CASK: variants seen among roughly 807,000 people sequenced by gnomAD.
CASK encodes calcium/calmodulin dependent serine protein kinase.
Under a neutral mutation model 82.9 loss-of-function variants are expected in CASK, and 4 were observed. The ratio of observed to expected loss-of-function variants is 0.05; its 90% CI spans 0.02 to 0.11. CASK has a LOEUF of 0.11. CASK is among the 10% of genes least tolerant of loss of function. CASK has a pLI of 1.00. For synonymous variants in CASK, 259 were observed against 253.5 expected, an observed-to-expected ratio of 1.02 and a Z score of -0.20; for missense variants, 358 against 720.9, an observed-to-expected ratio of 0.50 and a Z score of 5.76.
intron 1 of CASK, among the ~76,000 whole-genome samples, chrX:41,892,458 G>A (rs1338352627): frequency 9.1e-6 from 1 of 109,872 alleles, no homozygotes; most frequent in East Asian, 2.9e-4. Flanking sequence ...TCAGCCTCCC[G>A]CATAGCTGGG....
At chrX:41,746,971 C>T (rs1294374307) in intron 3 of CASK, among the ~76,000 whole-genome samples, 3 of 111,657 alleles carry the variant, frequency 2.7e-5, no homozygotes, top group Non-Finnish European at 5.6e-5. Flanking sequence ...AACAAATGCA[C>T]ATCTTTAAGC....
intron 16 of CASK, among the ~76,000 whole-genome samples, chrX:41,563,125 CTGAG>C: frequency 9.9e-6 from 1 of 101,300 alleles, no homozygotes; most frequent in Middle Eastern, 5.5e-3. Flanking sequence ...TTTTCGGAGG[CTGAG>C]TGAGGCGAGA....
chrX:41,850,710 T>C (rs2071246937), intron 2 of CASK, among the ~76,000 whole-genome samples: 1 of 111,714 alleles, frequency 9.0e-6, no homozygotes, highest in Non-Finnish European at 1.9e-5. Context: ...TGAGGTCATT[T>C]TTGGACCCTA....
At chrX:41,801,348 T>C (rs1217824898) in intron 2 of CASK, among the ~76,000 whole-genome samples, 1 of 111,574 alleles carries the variant, frequency 9.0e-6, no homozygotes, top group Non-Finnish European at 1.9e-5. Flanking sequence ...GGTCAAATAA[T>C]TTCCCCACCC....
At chrX:41,920,096 A>C (rs941556188) in intron 1 of CASK, among the ~76,000 whole-genome samples, 5 of 111,909 alleles carry the variant, frequency 4.5e-5, no homozygotes, top group African/African-American at 1.6e-4. Context: ...GTGGGTAGTC[A>C]ATTAGTCTTG....
chrX:41,794,990 A>G (rs1476242153), intron 2 of CASK, among the ~76,000 whole-genome samples: 1 of 112,315 alleles, frequency 8.9e-6, no homozygotes, highest in Non-Finnish European at 1.9e-5. Context: ...AAATACTGAC[A>G]GCAGGGCCAA....
intron 22 of CASK, among the ~76,000 whole-genome samples, chrX:41,539,666 G>A (rs1450315673): frequency 8.9e-6 from 1 of 112,328 alleles, no homozygotes; most frequent in East Asian, 2.8e-4. Flanking sequence ...GGACACTTCT[G>A]TATATTGGGA....
chrX:41,757,930 T>C (rs2147767939), intron 3 of CASK, among the ~76,000 whole-genome samples: 1 of 112,652 alleles, frequency 8.9e-6, no homozygotes, highest in African/African-American at 3.2e-5. Context: ...TACAAATATT[T>C]GTTGGTGGCG....
At chrX:41,829,712 T>C (rs5917452) in intron 2 of CASK, among the ~76,000 whole-genome samples, 413 of 6,592 alleles carry the variant, frequency 0.063, 1 homozygote, top group Non-Finnish European at 0.092. Flanking sequence ...TATATATATA[T>C]ATATATATAT....
chrX:41,852,383 G>C (rs865907633), intron 2 of CASK, among the ~76,000 whole-genome samples: 1 of 111,298 alleles, frequency 9.0e-6, no homozygotes, highest in Non-Finnish European at 1.9e-5. Context: ...ATATTTTACT[G>C]AACTGTGGAA....
intron 5 of CASK, among the ~76,000 whole-genome samples, chrX:41,689,454 C>T (rs1380622688): frequency 1.8e-5 from 2 of 111,666 alleles, no homozygotes; most frequent in Non-Finnish European, 3.8e-5. Flanking sequence ...TAAATTATAA[C>T]TTATTGACTT....
chrX:41,617,666 A>G (rs1175568249), intron 11 of CASK, among the ~76,000 whole-genome samples: 1 of 111,920 alleles, frequency 8.9e-6, no homozygotes, highest in Non-Finnish European at 1.9e-5. Context: ...AGTACCAACC[A>G]TCTAAAAATC....
chrX:41,746,136 T>C (rs2068683811), intron 3 of CASK, among the ~76,000 whole-genome samples: 1 of 111,850 alleles, frequency 8.9e-6, no homozygotes, highest in African/African-American at 3.2e-5. Context: ...CACATAGATG[T>C]GTTGGTAACG....
intron 1 of CASK, among the ~76,000 whole-genome samples, chrX:41,854,224 G>GCACACACACACACACA (rs4007745): frequency 1.3e-4 from 11 of 81,732 alleles, no homozygotes; most frequent in African/African-American, 3.7e-4. Flanking sequence ...GCGGGCGCGC[G>GCACACACACACACACA]CACACACACA....
intron 1 of CASK, among the ~76,000 whole-genome samples, chrX:41,912,285 TTTTG>T (rs2072584573): frequency 9.3e-6 from 1 of 107,657 alleles, no homozygotes; most frequent in African/African-American, 3.4e-5. Flanking sequence ...TGGACAGTTT[TTTTG>T]TTTGTTTTCT....
intron 2 of CASK, among the ~76,000 whole-genome samples, chrX:41,816,764 C>T (rs1057012057): frequency 9.0e-6 from 1 of 111,444 alleles, no homozygotes; most frequent in African/African-American, 3.3e-5. Context: ...TTAGGTAAAA[C>T]AGACAAATTT....
At chrX:41,898,390 C>G (rs1312832219) in intron 1 of CASK, among the ~76,000 whole-genome samples, 2 of 111,603 alleles carry the variant, frequency 1.8e-5, no homozygotes, top group African/African-American at 6.5e-5. Context: ...AAAAAACCAA[C>G]TCAGTTCTGT....
intron 5 of CASK, among the ~76,000 whole-genome samples, chrX:41,710,133 T>TGTG (rs1569412776): frequency 6.5e-5 from 2 of 30,792 alleles, no homozygotes; most frequent in East Asian, 1.7e-3. Context: ...GTGTGTGTGT[T>TGTG]TTGTACCTGG....
intron 1 of CASK, among the ~76,000 whole-genome samples, chrX:41,875,395 C>T (rs1231071447): frequency 9.0e-6 from 1 of 111,568 alleles, no homozygotes; most frequent in Non-Finnish European, 1.9e-5. Context: ...TCTTCCTTTT[C>T]CCACCTTTAT....
Sources: gnomAD v4.1 joint callset for allele counts (sites outside exome capture counted in the v4.1 genomes callset) on GRCh38, gnomAD v4.1.1 for gene constraint, MANE v1.5 for transcripts, NCBI Gene and HGNC (gene_info 2026-07-23, HGNC 2026-07-21) for gene names.